Variants in RIMS3 observed in about 807,000 individuals in gnomAD.
RIMS3 encodes regulating synaptic membrane exocytosis 3, also known as regulating synaptic membrane exocytosis protein 3.
Under a neutral mutation model 29.2 loss-of-function variants are expected in RIMS3, and 15 were observed. The observed-to-expected ratio is 0.51, with a 90% CI of 0.34 to 0.79. The LOEUF (loss-of-function observed/expected upper bound fraction) is 0.79, where lower values mean the gene tolerates loss of function less well. RIMS3 is among the 30% of genes least tolerant of loss of function. The pLI is 0.01. For missense variants in RIMS3, 342 were observed against 421.4 expected (o/e 0.81, Z 1.65); for synonymous variants, 161 against 170.1 (o/e 0.95, Z 0.41).
chr1:40,643,147 T>C (rs1646570774), intron 2 of RIMS3, among the ~76,000 whole-genome samples: 1 of 152,058 alleles, frequency 6.6e-6, no homozygotes, highest in Non-Finnish European at 1.5e-5. Context: ...TATTTATTTA[T>C]TTATTTTTTT....
intron 2 of RIMS3, among the ~76,000 whole-genome samples, chr1:40,647,466 T>C (rs1646603235): frequency 6.6e-6 from 1 of 152,216 alleles, no homozygotes; most frequent in Admixed American, 6.5e-5. Context: ...TAAAACTGAC[T>C]TGCTGTCTCT....
intron 1 of RIMS3, among the ~76,000 whole-genome samples, chr1:40,648,292 C>T (rs919950264): frequency 7.9e-5 from 12 of 152,222 alleles, no homozygotes; most frequent in African/African-American, 2.7e-4. Flanking sequence ...ACCATTCCCT[C>T]CATTCCCTCC....
chr1:40,682,758 T>TTTTTTTTTTTTTTA, the RIMS3 span, among the ~76,000 whole-genome samples: 1 of 134,746 alleles, frequency 7.4e-6, no homozygotes, highest in Non-Finnish European at 1.6e-5. Flanking sequence ...TTTTTTTTTT[T>TTTTTTTTTTTTTTA]GAGATGGAAT....
intron 5 of RIMS3, among the ~76,000 whole-genome samples, chr1:40,630,615 G>A (rs1231772689): frequency 6.6e-6 from 1 of 152,204 alleles, no homozygotes; most frequent in African/African-American, 2.4e-5. Context: ...TGTGGGGAAG[G>A]GAGAAGGGAA....
At chr1:40,629,127 C>T (rs1322212489) in intron 6 of RIMS3, 144 bp downstream of exon 6, 14 of 1,043,974 alleles carry the variant, frequency 1.3e-5, no homozygotes, top group Non-Finnish European at 2.0e-5. Flanking sequence ...CCTTACTCCC[C>T]CACCTAGTCA....
chr1:40,685,311 T>C, the RIMS3 span, among the ~76,000 whole-genome samples: 1 of 17,702 alleles, frequency 5.6e-5, no homozygotes, highest in South Asian at 7.8e-4. Context: ...TATATTAATA[T>C]ATATAATTAT....
At chr1:40,683,451 C>T in the RIMS3 span, among the ~76,000 whole-genome samples, 3 of 152,204 alleles carry the variant, frequency 2.0e-5, no homozygotes, top group Admixed American at 1.3e-4. Flanking sequence ...CTCACATGCA[C>T]ACTTCCTCAC....
chr1:40,672,006 C>T, the RIMS3 span, among the ~76,000 whole-genome samples: 1 of 152,002 alleles, frequency 6.6e-6, no homozygotes, highest in African/African-American at 2.4e-5. Flanking sequence ...GATCTGCCCA[C>T]CTCAGCCTCC....
chr1:40,628,772 G>A, intron 7 of RIMS3, 38 bp downstream of exon 7: 1 of 1,613,810 alleles, frequency 6.2e-7, no homozygotes, highest in Non-Finnish European at 8.5e-7. Context: ...CTTCCAGTCT[G>A]TGAGTCCACC....
chr1:40,680,195 C>G, the RIMS3 span, among the ~76,000 whole-genome samples: 2 of 151,912 alleles, frequency 1.3e-5, no homozygotes, highest in African/African-American at 2.4e-5. Flanking sequence ...AGAACAACAA[C>G]AAGAAAGCAA....
At chr1:40,669,980 G>A (rs1201142251), upstream of RIMS3, among the ~76,000 whole-genome samples, 1 of 151,846 alleles carries the variant, frequency 6.6e-6, no homozygotes, top group Admixed American at 6.6e-5. Context: ...TACTTCCTAG[G>A]TTCACCCACT....
intron 3 of RIMS3, among the ~76,000 whole-genome samples, chr1:40,638,070 A>G (rs1431436590): frequency 6.6e-6 from 1 of 152,112 alleles, no homozygotes; most frequent in Non-Finnish European, 1.5e-5. Flanking sequence ...GTCCAACCCA[A>G]TGTGAGACCC....
chr1:40,633,925 T>A (rs1256834244), intron 4 of RIMS3, among the ~76,000 whole-genome samples: 1 of 151,800 alleles, frequency 6.6e-6, no homozygotes, highest in African/African-American at 2.4e-5. Flanking sequence ...ATTCATAGGG[T>A]TTTATATGTT....
upstream of RIMS3, among the ~76,000 whole-genome samples, chr1:40,668,541 A>G (rs1157795458): frequency 2.0e-5 from 3 of 151,238 alleles, no homozygotes; most frequent in Non-Finnish European, 4.4e-5. Flanking sequence ...ATAACCAGCA[A>G]GTCTTTTGGG....
chr1:40,660,155 A>T (rs1642330768), intron 1 of RIMS3, among the ~76,000 whole-genome samples: 1 of 152,072 alleles, frequency 6.6e-6, no homozygotes, highest in Admixed American at 6.6e-5. Flanking sequence ...AGGACTGGTT[A>T]TAGGGGTGTG....
At chr1:40,656,466 C>T (rs1047825759) in intron 1 of RIMS3, among the ~76,000 whole-genome samples, 1 of 152,140 alleles carries the variant, frequency 6.6e-6, no homozygotes, top group African/African-American at 2.4e-5. Context: ...AAAGGGAGGG[C>T]AACCAGTGTT....
intron 3 of RIMS3, among the ~76,000 whole-genome samples, chr1:40,637,541 A>G (rs1646528846): frequency 6.6e-6 from 1 of 151,840 alleles, no homozygotes; most frequent in East Asian, 1.9e-4. Context: ...TATTTTTTTC[A>G]CAAAGAGAGG....
In RIMS3 at chr1:40,636,065, C is replaced by A. The variant is rs542963097; in HGVS notation, c.218-8G>T. Reference sequence around the variant, plus strand: ...GCTTCTTGGTGGCCCCTTCTGTGACCCCCCCAACCCCAAGCACAGAGAGGG... The same window carrying A: ...GCTTCTTGGTGGCCCCTTCTGTGACACCCCCAACCCCAAGCACAGAGAGGG... On this transcript the variant is annotated splice_polypyrimidine_tract_variant and splice_region_variant and intron_variant, in intron 3 of 7. Coordinates refer to ENST00000372684, the MANE Select transcript of RIMS3 (RefSeq NM_014747.3). The surrounding 1 kb of genome is among the most constrained non-coding windows in gnomAD (Gnocchi z 4.2). 64 of 1,601,918 alleles carry A rather than the reference C, an allele frequency of 4.0e-5. No homozygotes were observed. The highest frequency in any genetic ancestry group is 5.0e-5 in the Non-Finnish European group (59 of 1,179,858).
intron 2 of RIMS3, among the ~76,000 whole-genome samples, chr1:40,644,608 C>G (rs1304154975): frequency 6.6e-6 from 1 of 152,218 alleles, no homozygotes; most frequent in Non-Finnish European, 1.5e-5. Flanking sequence ...GGGGAGGGGG[C>G]TGCAGGAGTC....
Sources: allele counts gnomAD v4.1 joint callset (sites outside exome capture counted in the v4.1 genomes callset), GRCh38; gene constraint gnomAD v4.1.1; non-coding constraint Gnocchi (gnomAD v3.1); transcripts MANE v1.5; gene names NCBI Gene and HGNC (gene_info 2026-07-23, HGNC 2026-07-21).